Variants in UPK3A observed in about 807,000 individuals in gnomAD.
UPK3A encodes the protein uroplakin 3A.
UPK3A carries 32 observed loss-of-function variants against 27.6 expected under a neutral mutation model. The observed-to-expected ratio is 1.16, with a 90% CI of 0.87 to 1.55. UPK3A has a LOEUF of 1.55. UPK3A is among the 40% of genes most tolerant of loss of function. The pLI, the probability that UPK3A is intolerant of heterozygous loss-of-function variation, is 0.00. For missense variants in UPK3A, 370 were observed against 367.9 expected (o/e 1.01, Z -0.05); for synonymous variants, 171 against 163.9 (o/e 1.04, Z -0.33).
chr22:45,291,878 G>C lies in UPK3A; in HGVS notation c.572-1303G>C, dbSNP rs558023084. Reference sequence around the variant, plus strand: ...GAGTTGGTATGTGTGGTGTGTGAGAGTGTGGCAGGGCGTGTGAGTTGGTAT... The same window carrying C: ...GAGTTGGTATGTGTGGTGTGTGAGACTGTGGCAGGGCGTGTGAGTTGGTAT... On this transcript the variant is annotated intron_variant, in intron 4 of 5. Coordinates refer to ENST00000216211, the MANE Select transcript of UPK3A (RefSeq NM_006953.4). Among the ~76,000 whole-genome samples the C allele has an allele frequency of 7.0e-3, 1,063 of 151,064 alleles. 15 individuals are homozygous for C. Among genetic ancestry groups the C allele is most frequent in the African/African-American group, 0.025 (1,019 of 41,044 alleles).
intron 4 of UPK3A, among the ~76,000 whole-genome samples, chr22:45,289,573 G>T: frequency 8.9e-6 from 1 of 112,844 alleles, no homozygotes; most frequent in Non-Finnish European, 1.8e-5. Flanking sequence ...GTGAGACTCC[G>T]TCTCAAAAAA....
At chr22:45,294,831 C>A (rs1243633000) in intron 5 of UPK3A, among the ~76,000 whole-genome samples, 2 of 151,994 alleles carry the variant, frequency 1.3e-5, no homozygotes, top group Admixed American at 1.3e-4. Flanking sequence ...CTCACACCCA[C>A]CATGTGCTGA....
In UPK3A at chr22:45,289,055, T is replaced by C; in HGVS notation, c.489-6T>C. The C allele has an allele frequency of 6.2e-7, 1 of 1,613,688 alleles. No homozygotes were observed. The highest frequency in any genetic ancestry group is 8.5e-7 in the Non-Finnish European group (1 of 1,179,958). ...TAAAAGTCACCCTGGCTCCGTCTCC[T>C]TCCAGGTTCAAGTATGTCCTGGTCA... On this transcript the variant is annotated splice_region_variant and splice_polypyrimidine_tract_variant and intron_variant, in intron 3 of 5. Transcript: ENST00000216211.
In UPK3A at chr22:45,287,165, T is replaced by A; in HGVS notation, c.209-7T>A. 6.2e-7 allele frequency: 1 copy of A among 1,613,990 alleles called. No homozygotes were observed. Among genetic ancestry groups the A allele is most frequent in the South Asian group, 1.1e-5 (1 of 91,086 alleles). On this transcript the variant is annotated splice_region_variant and splice_polypyrimidine_tract_variant and intron_variant, in intron 2 of 5. Transcript: ENST00000216211. ...CAGAAGCCTGACTCCCTGCACCGCCTCTGCAGCCATTTCCAGGAATGCCTC... is the reference window on the plus strand; with the variant it reads ...CAGAAGCCTGACTCCCTGCACCGCCACTGCAGCCATTTCCAGGAATGCCTC...
At chr22:45,294,386 C>T (rs1392517550) in intron 5 of UPK3A, among the ~76,000 whole-genome samples, 3 of 146,988 alleles carry the variant, frequency 2.0e-5, no homozygotes, top group East Asian at 2.1e-4. Flanking sequence ...CTGTCTTCCG[C>T]ACCCCCATCC....
intron 1 of UPK3A, 49 bp downstream of exon 1, chr22:45,285,114 C>G: frequency 1.3e-6 from 2 of 1,511,232 alleles, no homozygotes; most frequent in Non-Finnish European, 1.8e-6. Context: ...GAGCGGGCAG[C>G]TCTGCCCTGG....
rs2084124371 is a variant in UPK3A, at chr22:45,287,209, C to T, written c.246C>T (p.Asn82=). 6.2e-7 allele frequency: 1 copy of T among 1,614,238 alleles called. No homozygotes were observed. Residue 82 remains asparagine (N), a synonymous_variant, in exon 3 of 6, where the codon AAC becomes AAT. Coordinates refer to ENST00000216211, the MANE Select transcript of UPK3A (RefSeq NM_006953.4). ...SRNASVQDST[N]TPLGSTFLQT... ...ATGCCTCAGTGCAAGACAGCACCAA[C>T]ACCCCACTGGGCTCAACGTTCCTAC...
intron 4 of UPK3A, among the ~76,000 whole-genome samples, chr22:45,289,593 A>AG (rs2084145607): frequency 6.7e-6 from 1 of 148,186 alleles, no homozygotes; most frequent in East Asian, 2.0e-4. Context: ...AAAAAAAAAA[A>AG]GAAAAAAAAA....
At chr22:45,285,833 A>G (rs2084113797) in intron 1 of UPK3A, 108 bp from the exon 2 acceptor site, 3 of 1,473,134 alleles carry the variant, frequency 2.0e-6, no homozygotes, top group Admixed American at 1.8e-5. Flanking sequence ...GCCCAGGGGG[A>G]GGGTGAAGCC....
intron 4 of UPK3A, among the ~76,000 whole-genome samples, chr22:45,289,449 G>T (rs1004383849): frequency 2.6e-5 from 4 of 151,894 alleles, no homozygotes; most frequent in Non-Finnish European, 5.9e-5. Context: ...CGTGGTGGGG[G>T]TGCCTTTAGT....
At chr22:45,288,573 T>C (rs1055374431) in intron 3 of UPK3A, among the ~76,000 whole-genome samples, 15 of 152,228 alleles carry the variant, frequency 9.9e-5, no homozygotes, top group Non-Finnish European at 2.1e-4. Context: ...CCTCAGGTGA[T>C]CTGCCCGCCT....
chr22:45,286,188 G>C (rs1400322557), intron 2 of UPK3A, 92 bp downstream of exon 2: 1 of 1,517,258 alleles, frequency 6.6e-7, no homozygotes, highest in African/African-American at 1.4e-5. Flanking sequence ...AACCCTCCAT[G>C]CCTGTAGTCG....
At chr22:45,292,250 G>A (rs2084167000) in intron 4 of UPK3A, among the ~76,000 whole-genome samples, 1 of 152,146 alleles carries the variant, frequency 6.6e-6, no homozygotes, top group Non-Finnish European at 1.5e-5. Flanking sequence ...AGTTTTTTTG[G>A]GGGAGGACCG....
chr22:45,284,975 G>A lies in UPK3A; in HGVS notation c.-39G>A. 1 of 1,526,558 alleles carries A rather than the reference G, an allele frequency of 6.6e-7. No individual in the cohort carries two copies. The highest frequency in any genetic ancestry group is 8.8e-7 in the Non-Finnish European group (1 of 1,142,504). The allele number at this position is 1,526,558 out of a possible 1,614,324, so 94.6% of individuals were successfully genotyped here. ...GGTCTGGTGCCCGCGCCTGCTCGCTGGACCGCCCGCCCCGCGCTCTGGCGG... is the reference window on the plus strand; with the variant it reads ...GGTCTGGTGCCCGCGCCTGCTCGCTAGACCGCCCGCCCCGCGCTCTGGCGG... On this transcript the variant is annotated 5_prime_UTR_variant, in exon 1 of 6. Coordinates refer to ENST00000216211, the MANE Select transcript of UPK3A (RefSeq NM_006953.4).
chr22:45,292,414 C>T (rs2084168241), intron 4 of UPK3A, among the ~76,000 whole-genome samples: 1 of 152,206 alleles, frequency 6.6e-6, no homozygotes, highest in South Asian at 2.1e-4. Context: ...GGAACAGTAG[C>T]TGCAAGTGGC....
At position 45,287,244 on chromosome 22, in the gene UPK3A, G is replaced by A; in HGVS notation, c.281G>A (p.Gly94Asp). Residue 94 changes from glycine (G) to aspartate (D), a missense_variant, in exon 3 of 6, where the codon GGT (glycine) becomes GAT (aspartate). By Grantham distance (94) the Gly-to-Asp change is moderately conservative. Transcript: ENST00000216211. ...PLGSTFLQTE[G>D]GRTGPYKAVA... ...GGCTCAACGTTCCTACAAACAGAGG[G>A]TGGGAGGACAGGTCCCTACAAAGCT... 1 of 1,614,228 alleles carries A rather than the reference G, an allele frequency of 6.2e-7. No homozygotes were observed. The highest frequency in any genetic ancestry group is 1.3e-5 in the African/African-American group (1 of 75,044).
At chr22:45,293,446 G>A (rs867166858) in intron 5 of UPK3A, 133 bp downstream of exon 5, 7 of 1,198,558 alleles carry the variant, frequency 5.8e-6, no homozygotes, top group African/African-American at 1.5e-5. Context: ...TCTGCCCCGC[G>A]GGTGGGGTCT....
intron 1 of UPK3A, 121 bp from the exon 2 acceptor site, chr22:45,285,820 G>T: frequency 7.1e-7 from 1 of 1,405,438 alleles, no homozygotes; most frequent in Non-Finnish European, 9.8e-7. Context: ...AGCTTATGCG[G>T]TGGCCCAGGG....
At position 45,287,403 on chromosome 22, in the gene UPK3A, A is replaced by C; in HGVS notation, c.440A>C (p.Asn147Thr). The C allele has an allele frequency of 6.2e-7, 1 of 1,611,562 alleles. No homozygotes were observed. The highest frequency in any genetic ancestry group is 1.1e-5 in the South Asian group (1 of 90,644). The change falls in exon 3 of 6, where the codon AAC becomes ACC. Residue 147 changes from asparagine (N) to threonine (T), a missense_variant. By Grantham distance (65) the Asn-to-Thr change is moderately conservative. Transcript: ENST00000216211. Reference protein sequence around the residue: ...GANGTCLWDPNFQGLCNAPLS... With the variant: ...GANGTCLWDPTFQGLCNAPLS... ...AACGGGACCTGCCTGTGGGATCCCA[A>C]CTTCCAGGGCCTCTGTAACGCACCC...
Sources: gnomAD v4.1 joint callset for allele counts (sites outside exome capture counted in the v4.1 genomes callset) on GRCh38, gnomAD v4.1.1 for gene constraint, MANE v1.5 for transcripts, NCBI Gene and HGNC (gene_info 2026-07-23, HGNC 2026-07-21) for gene names.